MAST1: variants seen among roughly 807,000 people sequenced by gnomAD.
The protein encoded by MAST1 is microtubule associated serine/threonine kinase 1, also known as microtubule-associated serine/threonine-protein kinase 1.
A neutral mutation model predicts 124.6 loss-of-function variants in MAST1; 40 were observed. The ratio of observed to expected loss-of-function variants is 0.32; its 90% CI spans 0.25 to 0.42. The LOEUF is 0.42. Ranked by LOEUF, MAST1 falls within the 10% of genes least tolerant of loss-of-function variation. The pLI is 1.00. For synonymous variants in MAST1, 938 were observed against 939.4 expected (o/e 1.00, Z 0.03); for missense variants, 1,558 against 2,181.9 (o/e 0.71, Z 5.70).
intron 2 of MAST1, among the ~76,000 whole-genome samples, 170 bp from the exon 3 acceptor site, chr19:12,840,821 G>A (rs1599574887): frequency 6.6e-6 from 1 of 151,566 alleles, no homozygotes; most frequent in Non-Finnish European, 1.5e-5. Flanking sequence ...TCTTGGAAGG[G>A]GCCAGGCTGA....
rs368712318 is a variant in MAST1 at position 12,858,407 on chromosome 19, G to C, written c.1123G>C (p.Asp375His). Residue 375 changes from aspartate to histidine, a missense_variant, in exon 11 of 26, where the codon GAT (aspartate) becomes CAT (histidine). Asp to His is a moderately conservative substitution (Grantham distance 81). Coordinates refer to ENST00000251472, the MANE Select transcript of MAST1 (RefSeq NM_014975.3). ...AKKPPGENDF[D>H]TIKLISNGAY... is the part of the protein sequence containing the mutation. ...GAAACCGCCGGGGGAGAATGACTTC[G>C]ATACCATCAAGCTCATAAGCAACGG... The C allele has an allele frequency of 6.2e-7, 1 of 1,614,004 alleles. No individual in the cohort carries two copies. Among genetic ancestry groups the C allele is most frequent in the Non-Finnish European group, 8.5e-7 (1 of 1,179,982 alleles).
In MAST1 at chr19:12,843,451, A is replaced by G. The variant is rs1267896812; in HGVS notation, c.249-78A>G. 2.7e-6 allele frequency: 3 copies of G among 1,129,624 alleles called. No homozygotes were observed. Among genetic ancestry groups the G allele is most frequent in the African/African-American group, 1.5e-5 (1 of 64,958 alleles). The allele number at this position is 1,129,624 out of a possible 1,614,324, so 70.0% of individuals were successfully genotyped here. A position where few individuals can be genotyped will look rare whatever the true frequency, so the allele number is the denominator to read the frequency against. ...CCCAACCCCCACCCTGGCCCTGGCCAGTGGCTTCACCCACACCCTGAGGAG... is the reference window on the plus strand; with the variant it reads ...CCCAACCCCCACCCTGGCCCTGGCCGGTGGCTTCACCCACACCCTGAGGAG... On this transcript the variant is annotated intron_variant, in intron 3 of 25. Transcript: ENST00000251472. This position sits in a 1 kb window ranked among gnomAD's most constrained non-coding sequence, Gnocchi z 4.9.
chr19:12,840,410 G>A (rs1969811016), intron 1 of MAST1, 36 bp from the exon 2 acceptor site: 25 of 1,427,154 alleles, frequency 1.8e-5, no homozygotes, highest in Non-Finnish European at 2.4e-5. Flanking sequence ...CTGGGCTGCG[G>A]CCCGGCCCGG....
chr19:12,867,270 G>A (rs1970167071), intron 18 of MAST1, among the ~76,000 whole-genome samples: 1 of 152,122 alleles, frequency 6.6e-6, no homozygotes, highest in Non-Finnish European at 1.5e-5. Flanking sequence ...CGTCGGGGCA[G>A]AGCCTAGAAT....
In MAST1 at chr19:12,874,044, A is replaced by G; in HGVS notation, c.3887A>G (p.Lys1296Arg). The G allele has an allele frequency of 6.2e-7, 1 of 1,604,814 alleles. No individual in the cohort carries two copies. Among genetic ancestry groups the G allele is most frequent in the Non-Finnish European group, 8.5e-7 (1 of 1,178,132 alleles). The change falls in exon 26 of 26, where the codon AAG becomes AGG. Residue 1296 changes from lysine to arginine, a missense_variant. This residue lies in a region of MAST1 where 263 missense variants were observed against 310.9 expected (regional missense o/e 0.85). Transcript: ENST00000251472. This position sits in a 1 kb window ranked among gnomAD's most constrained non-coding sequence, Gnocchi z 6.6. ...SLEVGHPDFR[K>R]DFHGELALHS... ...GAGGTGGGCCACCCGGATTTCCGCA[A>G]GGACTTCCATGGCGAGCTGGCGCTG...
Position 12,870,826 on chromosome 19 carries a change from T to C in MAST1, c.3006T>C (p.His1002=), listed in dbSNP as rs1970224603. 6.2e-7 allele frequency: 1 copy of C among 1,603,818 alleles called. No individual in the cohort carries two copies. The highest frequency in any genetic ancestry group is 8.5e-7 in the Non-Finnish European group (1 of 1,174,380). The change falls in exon 23 of 26, where the codon CAT becomes CAC. Residue 1002 remains histidine, a splice_region_variant and synonymous_variant. Coordinates refer to ENST00000251472, the MANE Select transcript of MAST1 (RefSeq NM_014975.3). The part of the protein sequence containing the change: ...DVYSVHHIVW[H]VEEGGPAQEA... ...CCTATGGGGTGCTCTTTTCCCAGCA[T>C]GTGGAGGAAGGAGGCCCAGCCCAGG... is the stretch of plus-strand genomic sequence containing the variant.
At position 12,873,685 on chromosome 19, in the gene MAST1, GC is replaced by G; in HGVS notation, c.3531del (p.Ser1178AlafsTer97). The G allele has an allele frequency of 1.2e-6, 2 of 1,601,148 alleles. No homozygotes were observed. The highest frequency in any genetic ancestry group is 8.5e-7 in the Non-Finnish European group (1 of 1,178,304). ...CGTCGTCGGCGTCGCACCACATTCG[GC>G]CCAGCACGCTGCACGGACTGTCGCC... is the stretch of plus-strand genomic sequence containing the variant. ...PASSASHHIR[P>X]STLHGLSPKL... is the part of the protein sequence containing the mutation. On this transcript the variant is annotated frameshift_variant, in exon 26 of 26. Transcript: ENST00000251472. LOFTEE classifies it low-confidence loss of function (END_TRUNC).
In MAST1 at chr19:12,867,509, G is replaced by C; in HGVS notation, c.2175G>C (p.Glu725Asp). The C allele has an allele frequency of 6.2e-7, 1 of 1,613,774 alleles. No homozygotes were observed. The highest frequency in any genetic ancestry group is 2.2e-5 in the East Asian group (1 of 44,876). ...YSSMEQLSQH[E>D]PKTPVAAAGS... Reference sequence around the variant, plus strand: ...GCATGGAGCAGCTGTCGCAGCACGAGCCCAAGACCCCAGTAGCAGCTGCAG... The same window carrying C: ...GCATGGAGCAGCTGTCGCAGCACGACCCCAAGACCCCAGTAGCAGCTGCAG... The change falls in exon 19 of 26, where the codon GAG (glutamate) becomes GAC (aspartate). Residue 725 changes from glutamate (E) to aspartate (D), a missense_variant. Glu to Asp is a conservative substitution (Grantham distance 45). Coordinates refer to ENST00000251472, the MANE Select transcript of MAST1 (RefSeq NM_014975.3).
In MAST1 at chr19:12,865,247, G is replaced by T; in HGVS notation, c.1638+69G>T. On this transcript the variant is annotated intron_variant, in intron 14 of 25. Coordinates refer to ENST00000251472, the MANE Select transcript of MAST1 (RefSeq NM_014975.3). This position sits in a 1 kb window ranked among gnomAD's most constrained non-coding sequence, Gnocchi z 7.1. ...GCAGGACCTCGGGAACCCAGGGCCT[G>T]GTGGGGGGCACAGCTCTCCCTTGAG... 1 of 1,588,532 alleles carries T rather than the reference G, an allele frequency of 6.3e-7. No homozygotes were observed. The highest frequency in any genetic ancestry group is 1.2e-5 in the South Asian group (1 of 86,630).
chr19:12,867,979 T>C lies in MAST1; in HGVS notation c.2566+2T>C. The C allele has an allele frequency of 6.5e-7, 1 of 1,540,492 alleles. No homozygotes were observed. The highest frequency in any genetic ancestry group is 8.7e-7 in the Non-Finnish European group (1 of 1,145,748). ...CCAGCGCCGGGGACTCCGAGGCCAG[T>C]GAGTGCCCTATCGTGCTGCCTTCCC... On this transcript the variant is annotated splice_donor_variant, in intron 20 of 25. Coordinates refer to ENST00000251472, the MANE Select transcript of MAST1 (RefSeq NM_014975.3). LOFTEE classifies it high-confidence loss of function.
Position 12,843,580 on chromosome 19 carries a change from C to T in MAST1, c.300C>T (p.Gly100=). The T allele has an allele frequency of 1.2e-6, 2 of 1,613,532 alleles. No individual in the cohort carries two copies. Among genetic ancestry groups the T allele is most frequent in the Non-Finnish European group, 1.7e-6 (2 of 1,179,802 alleles). The part of the protein sequence containing the change: ...SLASLPSSGY[G]TNTPSSTVSS... The stretch of plus-strand genomic sequence containing the variant: ...CCTCGCTCCCTTCATCTGGCTATGG[C>T]ACCAACACGCCCAGTTCCACCGTCT... The change falls in exon 4 of 26, where the codon GGC becomes GGT. Residue 100 remains glycine, a synonymous_variant. Coordinates refer to ENST00000251472, the MANE Select transcript of MAST1 (RefSeq NM_014975.3). The surrounding 1 kb of genome is among the most constrained non-coding windows in gnomAD (Gnocchi z 4.9).
chr19:12,858,369 G>A lies in MAST1; in HGVS notation c.1085G>A (p.Ser362Asn). ...TCCATCTTTTTCCTGAAGGGCCGCA[G>A]CAGCAAGGCCAAGAAACCGCCGGGG... ...PEQDDLSEGR[S>N]SKAKKPPGEN... Residue 362 changes from serine to asparagine, a missense_variant, in exon 11 of 26, where the codon AGC (serine) becomes AAC (asparagine). By Grantham distance (46) the Ser-to-Asn change is conservative (BLOSUM62 1). Transcript: ENST00000251472. 6.2e-7 allele frequency: 1 copy of A among 1,613,184 alleles called. No homozygotes were observed. Among genetic ancestry groups the A allele is most frequent in the Non-Finnish European group, 8.5e-7 (1 of 1,179,520 alleles).
chr19:12,849,397 C>T (rs887354139), intron 7 of MAST1, among the ~76,000 whole-genome samples: 1 of 152,184 alleles, frequency 6.6e-6, no homozygotes, highest in Non-Finnish European at 1.5e-5. Flanking sequence ...GGCGAGGTTG[C>T]TCACGCCTTT....
Position 12,858,563 on chromosome 19 carries a change from G to A in MAST1, c.1190G>A (p.Arg397Gln). The change falls in exon 12 of 26, where the codon CGG (arginine) becomes CAG (glutamine). Residue 397 changes from arginine (R) to glutamine (Q), a missense_variant. By Grantham distance (43) the Arg-to-Gln change is conservative. This residue lies in a region of MAST1 where 136 missense variants were observed against 160.9 expected (regional missense o/e 0.85). Coordinates refer to ENST00000251472, the MANE Select transcript of MAST1 (RefSeq NM_014975.3). ...AVYLVRHRDT[R>Q]QRFAMKKINK... is the part of the protein sequence containing the mutation. Reference sequence around the variant, plus strand: ...TACCTGGTGCGGCACCGCGACACGCGGCAGCGCTTTGCCATGAAAAAGATC... The same window carrying A: ...TACCTGGTGCGGCACCGCGACACGCAGCAGCGCTTTGCCATGAAAAAGATC... The A allele has an allele frequency of 1.2e-6, 2 of 1,614,232 alleles. No individual in the cohort carries two copies. The highest frequency in any genetic ancestry group is 8.5e-7 in the Non-Finnish European group (1 of 1,180,050).
At position 12,852,239 on chromosome 19, in the gene MAST1, C is replaced by G; in HGVS notation, c.1001C>G (p.Pro334Arg). 6.2e-7 allele frequency: 1 copy of G among 1,614,082 alleles called. No individual in the cohort carries two copies. ...CGCCAGCTGGGCCTCACCCGTGACC[C>G]CTTTCCAGGTGCCGGCTGGTGGGCG... is the stretch of plus-strand genomic sequence containing the variant. ...IIRQLGLTRDPFPDVVHLEEQ... is the reference protein window; with the variant it reads ...IIRQLGLTRDRFPDVVHLEEQ... The change falls in exon 9 of 26, where the codon CCC (proline) becomes CGC (arginine). Residue 334 changes from proline to arginine, a missense_variant. Transcript: ENST00000251472.
chr19:12,860,569 C>T (rs10410253), intron 12 of MAST1, among the ~76,000 whole-genome samples: 6 of 149,970 alleles, frequency 4.0e-5, no homozygotes, highest in African/African-American at 2.5e-5. Context: ...CTGAGCCTCC[C>T]GAGTAGCTGG....
In MAST1 at chr19:12,856,953, G is replaced by C. The variant is rs956778746; in HGVS notation, c.1078-1409G>C. 1.1e-4 allele frequency among the ~76,000 whole-genome samples: 17 copies of C among 152,198 alleles called. 1 individual carries two copies. The highest frequency in any genetic ancestry group is 2.9e-5 in the Non-Finnish European group (2 of 68,036). Reference sequence around the variant, plus strand: ...AGTAATTTACACTCCCAACAGCAAAGTATATATGTTCACCTACATATTTGC... The same window carrying C: ...AGTAATTTACACTCCCAACAGCAAACTATATATGTTCACCTACATATTTGC... On this transcript the variant is annotated intron_variant, in intron 10 of 25. Transcript: ENST00000251472.
intron 24 of MAST1, among the ~76,000 whole-genome samples, chr19:12,871,913 C>CAAAA (rs34674708): frequency 3.3e-5 from 2 of 61,032 alleles, no homozygotes; most frequent in African/African-American, 6.4e-5. Flanking sequence ...TAGACTCTTT[C>CAAAA]AAAAAAAAAA....
chr19:12,843,456 C>A lies in MAST1; in HGVS notation c.249-73C>A. On this transcript the variant is annotated intron_variant, in intron 3 of 25. Transcript: ENST00000251472. This position sits in a 1 kb window ranked among gnomAD's most constrained non-coding sequence, Gnocchi z 4.9. ...CCCCCACCCTGGCCCTGGCCAGTGG[C>A]TTCACCCACACCCTGAGGAGTTGGG... is the stretch of plus-strand genomic sequence containing the variant. 8.1e-7 allele frequency: 1 copy of A among 1,239,756 alleles called. No homozygotes were observed. The highest frequency in any genetic ancestry group is 1.2e-5 in the South Asian group (1 of 80,558). 76.8% of individuals were successfully genotyped at this position (1,239,756 alleles called of 1,614,324 possible).
Sources: gnomAD v4.1 joint callset for allele counts (sites outside exome capture counted in the v4.1 genomes callset) on GRCh38, gnomAD v4.1.1 for gene constraint, gnomAD v4.1.1 regional missense constraint, Gnocchi (gnomAD v3.1) non-coding constraint, MANE v1.5 for transcripts, NCBI Gene and HGNC (gene_info 2026-07-23, HGNC 2026-07-21) for gene names.